Variants in OR10J1 observed in about 807,000 individuals in gnomAD.
OR10J1 encodes olfactory receptor 10J1.
For synonymous variants in OR10J1, 202 were observed against 143.8 expected (o/e 1.40, Z -2.89); for missense variants, 474 against 376.6 (o/e 1.26, Z -2.14).
At chr1:159,400,820 C>T in the OR10J1 span, among the ~76,000 whole-genome samples, 1 of 151,732 alleles carries the variant, frequency 6.6e-6, no homozygotes, top group Non-Finnish European at 1.5e-5. Context: ...GAATACACAT[C>T]CTTTTCCTCA....
the OR10J1 span, among the ~76,000 whole-genome samples, chr1:159,424,498 CATGT>C: frequency 6.7e-6 from 1 of 149,562 alleles, no homozygotes; most frequent in South Asian, 2.1e-4. Flanking sequence ...TATTGAAATA[CATGT>C]ATGTGTGTGT....
Position 159,440,106 on chromosome 1 carries a change from A to G in OR10J1, c.315A>G (p.Val105=), listed in dbSNP as rs758947015. The G allele has an allele frequency of 6.8e-6, 11 of 1,614,082 alleles. No individual in the cohort carries two copies. In the East Asian group the frequency reaches 2.5e-4, roughly 36 times the overall value. ...AGCATQMFFF[V]TFGITNCFLL... The stretch of plus-strand genomic sequence containing the variant: ...GTGCCACACAGATGTTCTTTTTTGT[A>G]ACCTTTGGCATCACTAACTGCTTCC... The change falls in exon 1 of 1, where the codon GTA becomes GTG. Residue 105 remains valine, a synonymous_variant. Coordinates refer to ENST00000423932, the MANE Select transcript of OR10J1 (RefSeq NM_012351.3).
At chr1:159,418,290 C>A in the OR10J1 span, among the ~76,000 whole-genome samples, 10 of 152,140 alleles carry the variant, frequency 6.6e-5, no homozygotes, top group Non-Finnish European at 1.3e-4. Flanking sequence ...GCAGCAGCCC[C>A]TCCCACCACA....
At chr1:159,413,009 CA>C in the OR10J1 span, among the ~76,000 whole-genome samples, 1 of 151,954 alleles carries the variant, frequency 6.6e-6, no homozygotes, top group South Asian at 2.1e-4. Context: ...CAAACAACCC[CA>C]TCAAAAAGTG....
At chr1:159,416,906 C>A in the OR10J1 span, among the ~76,000 whole-genome samples, 17 of 152,020 alleles carry the variant, frequency 1.1e-4, no homozygotes, top group East Asian at 3.3e-3. Context: ...TTTTCTAATT[C>A]TGTGGTATCA....
At chr1:159,410,546 C>T in the OR10J1 span, among the ~76,000 whole-genome samples, 10 of 151,964 alleles carry the variant, frequency 6.6e-5, no homozygotes, top group Non-Finnish European at 1.5e-4. Flanking sequence ...GTGGTGATAT[C>T]CCCTTGATCT....
the OR10J1 span, among the ~76,000 whole-genome samples, chr1:159,412,919 A>G: frequency 6.6e-5 from 10 of 151,992 alleles, no homozygotes; most frequent in Non-Finnish European, 1.0e-4. Flanking sequence ...CATGGGAGAA[A>G]ATTTTCACAA....
the OR10J1 span, among the ~76,000 whole-genome samples, chr1:159,422,148 G>T: frequency 6.6e-6 from 1 of 152,128 alleles, no homozygotes; most frequent in Non-Finnish European, 1.5e-5. Flanking sequence ...TGTTAGGCTG[G>T]GCTGGGTGAT....
the OR10J1 span, among the ~76,000 whole-genome samples, chr1:159,416,855 T>G: frequency 6.6e-6 from 1 of 152,046 alleles, no homozygotes. Flanking sequence ...CTAGGTTTCC[T>G]ATTTGTTAGT....
At chr1:159,418,957 A>G in the OR10J1 span, among the ~76,000 whole-genome samples, 1 of 152,236 alleles carries the variant, frequency 6.6e-6, no homozygotes, top group Non-Finnish European at 1.5e-5. Flanking sequence ...ATGGGATTTC[A>G]GACTTGCATG....
At chr1:159,417,202 A>G in the OR10J1 span, among the ~76,000 whole-genome samples, 1 of 152,240 alleles carries the variant, frequency 6.6e-6, no homozygotes, top group East Asian at 1.9e-4. Flanking sequence ...GTTTATTTCT[A>G]TAAAATTCCC....
the OR10J1 span, among the ~76,000 whole-genome samples, chr1:159,410,869 A>G: frequency 6.7e-6 from 1 of 150,238 alleles, no homozygotes; most frequent in Non-Finnish European, 1.5e-5. Context: ...CACTGCTTTG[A>G]ATGTGTCCCA....
At chr1:159,406,084 T>A in the OR10J1 span, 1 of 431,492 alleles carries the variant, frequency 2.3e-6, no homozygotes, top group South Asian at 2.0e-5. Flanking sequence ...CAGCCTTGCA[T>A]GACAATAAGC....
the OR10J1 span, chr1:159,432,662 C>A: frequency 2.3e-6 from 1 of 427,616 alleles, no homozygotes. Context: ...GGAACATTGG[C>A]CTGAGCACAG....
the OR10J1 span, chr1:159,432,478 C>A: frequency 2.4e-6 from 1 of 419,282 alleles, no homozygotes; most frequent in Non-Finnish European, 4.2e-6. Flanking sequence ...CCTCAACAAA[C>A]CATCTCCATC....
At chr1:159,413,355 C>G in the OR10J1 span, among the ~76,000 whole-genome samples, 1 of 151,638 alleles carries the variant, frequency 6.6e-6, no homozygotes. Flanking sequence ...ACCCAAAGGA[C>G]TATAAATCAT....
At chr1:159,438,485 C>T (rs111519822), upstream of OR10J1, among the ~76,000 whole-genome samples, 2,645 of 152,340 alleles carry the variant, frequency 0.017, 34 homozygotes, top group Middle Eastern at 0.027. Context: ...CGTGGCTGGA[C>T]TACTACATAG....
In OR10J1 at chr1:159,440,437, T is replaced by C. The variant is rs1241412622; in HGVS notation, c.646T>C (p.Ser216Pro). ...LVVPMGLVFI[S>P]YVLIISTILK... is the part of the protein sequence containing the mutation. ...TGTACCTATGGGTCTGGTTTTCATT[T>C]CTTATGTTCTCATTATCTCTACAAT... The change falls in exon 1 of 1, where the codon TCT (serine) becomes CCT (proline). Residue 216 changes from serine (S) to proline (P), a missense_variant. By Grantham distance (74) the Ser-to-Pro change is moderately conservative (BLOSUM62 -1). Transcript: ENST00000423932. 1.2e-6 allele frequency: 2 copies of C among 1,614,172 alleles called. No individual in the cohort carries two copies. The highest frequency in any genetic ancestry group is 8.5e-7 in the Non-Finnish European group (1 of 1,180,032).
At chr1:159,418,943 C>T in the OR10J1 span, among the ~76,000 whole-genome samples, 1 of 152,188 alleles carries the variant, frequency 6.6e-6, no homozygotes, top group South Asian at 2.1e-4. Context: ...GATTTGACTG[C>T]CCCATGGGAT....
Sources: allele counts gnomAD v4.1 joint callset (sites outside exome capture counted in the v4.1 genomes callset), GRCh38; gene constraint gnomAD v4.1.1; transcripts MANE v1.5; gene names NCBI Gene and HGNC (gene_info 2026-07-23, HGNC 2026-07-21).